Variants in CALN1 observed in about 807,000 individuals in gnomAD.
The protein encoded by CALN1 is calneuron 1.
Under a neutral mutation model 30.6 loss-of-function variants are expected in CALN1, and 17 were observed. The ratio of observed to expected loss-of-function variants is 0.56; its 90% confidence interval spans 0.38 to 0.83. The LOEUF (loss-of-function observed/expected upper bound fraction) is 0.83. Ranked by LOEUF, CALN1 falls within the 40% of genes least tolerant of loss-of-function variation. The pLI, the probability that CALN1 is intolerant of heterozygous loss-of-function variation, is 0.00. For synonymous variants in CALN1, 156 were observed against 131.4 expected (o/e 1.19, Z -1.28); for missense variants, 291 against 354.9 (o/e 0.82, Z 1.45).
chr7:72,331,264 C>T lies in CALN1; in HGVS notation c.120-52454G>A, dbSNP rs563327271. ...ACTCAAGAGGCGGGGGCAGAAGAAT[C>T]GCTTGAACCCAGGAGGCAGAAGTTG... On this transcript the variant is annotated intron_variant, in intron 2 of 6. Coordinates refer to ENST00000395275, the MANE Select transcript of CALN1 (RefSeq NM_031468.4). 7.2e-5 allele frequency among the ~76,000 whole-genome samples: 11 copies of T among 152,152 alleles called. No individual in the cohort carries two copies. In the South Asian group the frequency reaches 1.0e-3, roughly 14 times the overall value.
chr7:71,830,448 A>G (rs985870115), intron 5 of CALN1, among the ~76,000 whole-genome samples: 2 of 152,090 alleles, frequency 1.3e-5, no homozygotes, highest in Non-Finnish European at 2.9e-5. Flanking sequence ...CCCAGGTTCA[A>G]GCAATTTTCC....
chr7:72,205,568 G>GTATATATATATA (rs1253422246), intron 3 of CALN1, among the ~76,000 whole-genome samples: 2 of 91,810 alleles, frequency 2.2e-5, no homozygotes, highest in African/African-American at 1.1e-4. Flanking sequence ...ATATATATAT[G>GTATATATATATA]TATATATATA....
chr7:72,084,421 A>G (rs1805350242), intron 4 of CALN1, among the ~76,000 whole-genome samples: 1 of 147,282 alleles, frequency 6.8e-6, no homozygotes. Flanking sequence ...CAGTGGGCTG[A>G]TCTTGGCTCA....
At chr7:72,091,752 G>C (rs1282523300) in intron 4 of CALN1, among the ~76,000 whole-genome samples, 2 of 152,194 alleles carry the variant, frequency 1.3e-5, no homozygotes, top group Non-Finnish European at 2.9e-5. Context: ...AGAGGGGATG[G>C]CCACTCAACT....
chr7:71,917,886 T>C (rs565465531), intron 5 of CALN1, among the ~76,000 whole-genome samples: 58 of 152,318 alleles, frequency 3.8e-4, no homozygotes, highest in African/African-American at 1.3e-3. Flanking sequence ...GTTGTACACA[T>C]TGAATATGCA....
rs1001473097 is a variant in CALN1, at chr7:72,100,986, C to T, written c.388+5165G>A. Among the ~76,000 whole-genome samples the T allele has an allele frequency of 1.1e-4, 16 of 151,594 alleles. No homozygotes were observed. The East Asian group carries it at 1.2e-3, about 11-fold the overall frequency. ...TGTTTGTTTTGTTTGTTTTTTGAGA[C>T]GGAGTCTTGCTTTGTCACCCAGGCT... On this transcript the variant is annotated intron_variant, in intron 4 of 6. Coordinates refer to ENST00000395275, the MANE Select transcript of CALN1 (RefSeq NM_031468.4).
intron 5 of CALN1, among the ~76,000 whole-genome samples, chr7:71,846,730 T>C (rs1790261129): frequency 6.7e-6 from 1 of 149,790 alleles, no homozygotes; most frequent in Admixed American, 6.7e-5. Flanking sequence ...CTACTAGGGA[T>C]AGTAGTAAAC....
intron 2 of CALN1, among the ~76,000 whole-genome samples, chr7:72,320,932 A>G (rs1292392821): frequency 6.6e-6 from 1 of 151,514 alleles, no homozygotes; most frequent in Non-Finnish European, 1.5e-5. Flanking sequence ...TCACTAGTCC[A>G]CAGCTGTGTG....
intron 2 of CALN1, among the ~76,000 whole-genome samples, chr7:72,372,413 A>G (rs775209914): frequency 1.2e-4 from 18 of 152,204 alleles, no homozygotes; most frequent in Admixed American, 4.6e-4. Context: ...GGGGTTAACT[A>G]AAGCTGCAAC....
At chr7:72,145,881 T>C (rs989348504) in intron 3 of CALN1, among the ~76,000 whole-genome samples, 1 of 152,218 alleles carries the variant, frequency 6.6e-6, no homozygotes, top group Non-Finnish European at 1.5e-5. Context: ...CACATGATTA[T>C]CTCAATAGAT....
chr7:71,912,516 A>C (rs1443564379), intron 5 of CALN1, among the ~76,000 whole-genome samples: 1 of 152,200 alleles, frequency 6.6e-6, no homozygotes, highest in Non-Finnish European at 1.5e-5. Flanking sequence ...TTAGTACCAG[A>C]AATGTGGCTT....
chr7:71,938,652 G>A lies in CALN1; in HGVS notation c.501+85005C>T, dbSNP rs548699667. ...TCTACTAAAAATACAAAAATTAGCT[G>A]GGCGTGGTGGCAGGCACCTATAGTC... is the stretch of plus-strand genomic sequence containing the variant. On this transcript the variant is annotated intron_variant, in intron 5 of 6. Transcript: ENST00000395275. Among the ~76,000 whole-genome samples the A allele has an allele frequency of 4.6e-5, 7 of 152,196 alleles. No individual in the cohort carries two copies. In the East Asian group the frequency reaches 1.4e-3, roughly 29 times the overall value.
chr7:72,397,714 T>TCTCTCACACACACA (rs142607076), intron 2 of CALN1, among the ~76,000 whole-genome samples: 4 of 142,912 alleles, frequency 2.8e-5, no homozygotes, highest in East Asian at 2.1e-4. Flanking sequence ...CCATTCTCTC[T>TCTCTCACACACACA]CACACACACA....
chr7:71,947,893 G>A lies in CALN1; in HGVS notation c.501+75764C>T, dbSNP rs550771449. 1.8e-3 allele frequency among the ~76,000 whole-genome samples: 269 copies of A among 148,192 alleles called. 2 individuals are homozygous for A. Among genetic ancestry groups the A allele is most frequent in the African/African-American group, 6.3e-3 (253 of 39,916 alleles). ...AGGCAGAGGTTGCAGTGAGCTAGTT[G>A]CACTGCACTCCAGCCTGGGCGACAG... On this transcript the variant is annotated intron_variant, in intron 5 of 6. Transcript: ENST00000395275.
At chr7:72,144,199 A>G (rs1439633289) in intron 3 of CALN1, among the ~76,000 whole-genome samples, 1 of 152,220 alleles carries the variant, frequency 6.6e-6, no homozygotes. Flanking sequence ...TAAAGAGTCA[A>G]GACCCATCAG....
At chr7:72,222,140 C>T (rs532586841) in intron 3 of CALN1, among the ~76,000 whole-genome samples, 9 of 151,730 alleles carry the variant, frequency 5.9e-5, no homozygotes, top group Non-Finnish European at 5.9e-5. Context: ...GCAGGAGCAT[C>T]GCTTAAACCT....
chr7:72,071,798 G>C (rs940481491), intron 4 of CALN1, among the ~76,000 whole-genome samples: 4 of 152,286 alleles, frequency 2.6e-5, no homozygotes, highest in Admixed American at 2.0e-4. Context: ...CTTTCAAAAA[G>C]ACCTACTGGT....
At chr7:72,397,839 A>G (rs1020684995) in intron 2 of CALN1, among the ~76,000 whole-genome samples, 2 of 152,094 alleles carry the variant, frequency 1.3e-5, no homozygotes, top group African/African-American at 4.8e-5. Flanking sequence ...ACAAAAAAAA[A>G]TTAAACACCA....
intron 3 of CALN1, among the ~76,000 whole-genome samples, chr7:72,264,182 A>G (rs751298920): frequency 1.6e-4 from 25 of 152,190 alleles, no homozygotes; most frequent in Non-Finnish European, 2.4e-4. Flanking sequence ...CAGCATGTGA[A>G]GGAAGTCCCT....
Sources: allele counts gnomAD v4.1 joint callset (sites outside exome capture counted in the v4.1 genomes callset), GRCh38; gene constraint gnomAD v4.1.1; transcripts MANE v1.5; gene names NCBI Gene and HGNC (gene_info 2026-07-23, HGNC 2026-07-21).